ALK: variants seen among roughly 807,000 people sequenced by gnomAD.
ALK encodes the protein ALK receptor tyrosine kinase, also known as ALK tyrosine kinase receptor.
A neutral mutation model predicts 163.1 loss-of-function variants in ALK; 74 were observed. That is an observed-to-expected ratio of 0.45 (90% CI 0.38 to 0.55). The LOEUF (loss-of-function observed/expected upper bound fraction) is 0.55, where lower values mean the gene tolerates loss of function less well. ALK is among the 20% of genes least tolerant of loss of function. The pLI is 0.00. For missense variants in ALK, 2,063 were observed against 2,105.3 expected (o/e 0.98, Z 0.39); for synonymous variants, 960 against 843.2 (o/e 1.14, Z -2.40).
chr2:29,520,113 G>A (rs9973835), intron 4 of ALK, among the ~76,000 whole-genome samples: 5,308 of 152,172 alleles, frequency 0.035, 139 homozygotes, highest in Middle Eastern at 0.082. Flanking sequence ...AGGCACACAC[G>A]GACAGGGCAA....
chr2:29,506,606 C>G (rs1054167492), intron 4 of ALK, among the ~76,000 whole-genome samples: 1 of 151,986 alleles, frequency 6.6e-6, no homozygotes. Context: ...ATTAGCCAGG[C>G]CTGGTGGTGG....
intron 3 of ALK, among the ~76,000 whole-genome samples, chr2:29,591,348 A>G (rs1248019049): frequency 2.6e-5 from 4 of 152,060 alleles, no homozygotes; most frequent in Non-Finnish European, 5.9e-5. Flanking sequence ...GCTGCTCTTG[A>G]ATTTGGGATC....
chr2:29,353,703 G>T (rs1260929067), intron 5 of ALK, among the ~76,000 whole-genome samples: 2 of 151,864 alleles, frequency 1.3e-5, no homozygotes, highest in Non-Finnish European at 2.9e-5. Flanking sequence ...AGTGGAGAAG[G>T]TCATGATGAA....
chr2:29,883,983 A>T (rs1666929911), intron 1 of ALK, among the ~76,000 whole-genome samples: 1 of 152,230 alleles, frequency 6.6e-6, no homozygotes, highest in African/African-American at 2.4e-5. Context: ...ATTAAAACTT[A>T]TTGTGCACAC....
intron 4 of ALK, among the ~76,000 whole-genome samples, chr2:29,447,183 C>T (rs868809440): frequency 1.3e-5 from 2 of 152,168 alleles, no homozygotes; most frequent in South Asian, 2.1e-4. Context: ...GATGGAGGCA[C>T]TCAAGACCCT....
chr2:29,523,147 G>A (rs1292589396), intron 4 of ALK, among the ~76,000 whole-genome samples: 2 of 152,154 alleles, frequency 1.3e-5, no homozygotes, highest in Non-Finnish European at 2.9e-5. Context: ...GAAACCAAGA[G>A]AATCACGTGG....
intron 5 of ALK, among the ~76,000 whole-genome samples, chr2:29,378,121 A>T (rs552198529): frequency 6.6e-6 from 1 of 152,204 alleles, no homozygotes; most frequent in South Asian, 2.1e-4. Context: ...TTCATGGGGG[A>T]GCTCCTTTGC....
chr2:29,447,515 T>C (rs1394682994), intron 4 of ALK, among the ~76,000 whole-genome samples: 1 of 152,136 alleles, frequency 6.6e-6, no homozygotes, highest in Non-Finnish European at 1.5e-5. Flanking sequence ...ATTGCCCCAA[T>C]GTGCAAAATA....
intron 1 of ALK, among the ~76,000 whole-genome samples, chr2:29,734,367 G>T (rs970842890): frequency 2.6e-5 from 4 of 152,086 alleles, no homozygotes; most frequent in Non-Finnish European, 5.9e-5. Context: ...ATGAAAAAAA[G>T]ATAAAGCTCG....
intron 6 of ALK, among the ~76,000 whole-genome samples, chr2:29,322,175 T>C (rs779745914): frequency 1.3e-5 from 2 of 152,258 alleles, no homozygotes; most frequent in Non-Finnish European, 2.9e-5. Flanking sequence ...GTCCTTCCTC[T>C]GTCTCAGCCT....
At chr2:29,517,569 T>C (rs1672705327) in intron 4 of ALK, among the ~76,000 whole-genome samples, 1 of 152,142 alleles carries the variant, frequency 6.6e-6, no homozygotes, top group African/African-American at 2.4e-5. Context: ...GCCCAGGTGA[T>C]TGAAAAAGCA....
chr2:29,368,840 C>A (rs1043340902), intron 5 of ALK, among the ~76,000 whole-genome samples: 1 of 152,156 alleles, frequency 6.6e-6, no homozygotes, highest in African/African-American at 2.4e-5. Context: ...GATATTTAAA[C>A]CCTTTAAAAC....
chr2:29,232,380 C>T lies in ALK; in HGVS notation c.2556G>A (p.Lys852=), dbSNP rs1558629743. Residue 852 remains lysine, a synonymous_variant, in exon 15 of 29, where the codon AAG becomes AAA. Coordinates refer to ENST00000389048, the MANE Select transcript of ALK (RefSeq NM_004304.5). ...GTCTCTCTGGGTGGAACGTGTCTGT[C>T]TTGGCCCCGTAGGCCCTGCCACCAC... The part of the protein sequence containing the change: ...AGGGGRAYGA[K]TDTFHPERLE... The T allele has an allele frequency of 1.9e-6, 3 of 1,614,150 alleles. No homozygotes were observed. The highest frequency in any genetic ancestry group is 2.5e-6 in the Non-Finnish European group (3 of 1,180,064).
intron 1 of ALK, among the ~76,000 whole-genome samples, chr2:29,820,494 G>A (rs1039937780): frequency 6.6e-6 from 1 of 152,126 alleles, no homozygotes; most frequent in Non-Finnish European, 1.5e-5. Context: ...AAGTTTTGGG[G>A]GAATTTGTTA....
intron 1 of ALK, among the ~76,000 whole-genome samples, chr2:29,772,599 C>T (rs1323357600): frequency 6.6e-6 from 1 of 152,130 alleles, no homozygotes; most frequent in Non-Finnish European, 1.5e-5. Context: ...GAAACAGCAA[C>T]ACAAGTGTAT....
intron 3 of ALK, among the ~76,000 whole-genome samples, chr2:29,689,909 C>T (rs1178082458): frequency 2.6e-5 from 4 of 151,118 alleles, no homozygotes; most frequent in Non-Finnish European, 5.9e-5. Flanking sequence ...GCCAAGGATT[C>T]CCGGCAATGC....
At chr2:29,635,777 ATT>A (rs1553340446) in intron 3 of ALK, among the ~76,000 whole-genome samples, 9,418 of 90,552 alleles carry the variant, frequency 0.1, 507 homozygotes, top group African/African-American at 0.17. Flanking sequence ...TAATTTTTGT[ATT>A]TTTTTTTTTT....
rs78066015 is a variant in ALK at position 29,296,849 on chromosome 2, T to C, written c.1817+39A>G. On this transcript the variant is annotated intron_variant, in intron 9 of 28. Coordinates refer to ENST00000389048, the MANE Select transcript of ALK (RefSeq NM_004304.5). ...ATGATTTCTTTTTCATTTTAGCTGA[T>C]AGAGGAGAAGGGTATTGGGGGAGAT... The C allele has an allele frequency of 2.6e-3, 4,265 of 1,613,518 alleles. 94 individuals carry two copies. The African/African-American group carries it at 0.05, about 19-fold the overall frequency.
intron 4 of ALK, among the ~76,000 whole-genome samples, chr2:29,386,607 A>C (rs566992983): frequency 6.6e-6 from 1 of 152,356 alleles, no homozygotes; most frequent in South Asian, 2.1e-4. Context: ...TTCCAGGTAC[A>C]CAGCGGCCCT....
Sources: allele counts gnomAD v4.1 joint callset (sites outside exome capture counted in the v4.1 genomes callset), GRCh38; gene constraint gnomAD v4.1.1; transcripts MANE v1.5; gene names NCBI Gene and HGNC (gene_info 2026-07-23, HGNC 2026-07-21).